Variants in SLC16A4 observed in about 807,000 individuals in gnomAD.
The protein encoded by SLC16A4 is probable monocarboxylate transporter 5.
SLC16A4 carries 39 observed loss-of-function variants against 47.9 expected under a neutral mutation model. The observed-to-expected ratio is 0.81, with a 90% CI of 0.63 to 1.06. The LOEUF (loss-of-function observed/expected upper bound fraction) is 1.06, where lower values mean the gene tolerates loss of function less well. Among genes scored for constraint, SLC16A4 ranks in the 50% least tolerant of loss-of-function variants. SLC16A4 has a pLI of 0.00. For synonymous variants in SLC16A4, 189 were observed against 199.9 expected, an observed-to-expected ratio of 0.95 and a Z score of 0.46; for missense variants, 524 against 573.8, an observed-to-expected ratio of 0.91 and a Z score of 0.89.
intron 8 of SLC16A4, among the ~76,000 whole-genome samples, chr1:110,364,519 T>TC (rs930512539): frequency 4.7e-5 from 6 of 127,622 alleles, no homozygotes; most frequent in Non-Finnish European, 8.9e-5. Flanking sequence ...TTTTTTTTTT[T>TC]TGAGACAGAG....
At chr1:110,368,108 G>A (rs145862280) in intron 8 of SLC16A4, among the ~76,000 whole-genome samples, 3,853 of 152,294 alleles carry the variant, frequency 0.025, 89 homozygotes, top group South Asian at 0.063. Flanking sequence ...GATTACAGGC[G>A]TGAGCCACTG....
At chr1:110,364,569 G>A (rs991746030) in intron 8 of SLC16A4, among the ~76,000 whole-genome samples, 15 of 141,816 alleles carry the variant, frequency 1.1e-4, no homozygotes, top group Non-Finnish European at 1.6e-4. Flanking sequence ...GTAGTGGCAC[G>A]ATCTCTGCTT....
chr1:110,363,918 T>C, intron 8 of SLC16A4, 25 bp from the exon 9 acceptor site: 1 of 1,586,644 alleles, frequency 6.3e-7, no homozygotes, highest in Non-Finnish European at 8.5e-7. Context: ...TGATTTCTGT[T>C]AGGGAAGGAA....
At position 110,381,787 on chromosome 1, in the gene SLC16A4, C is replaced by T. The variant is rs1337116057; in HGVS notation, c.229G>A (p.Val77Ile). The T allele has an allele frequency of 6.2e-7, 1 of 1,612,250 alleles. No homozygotes were observed. The highest frequency in any genetic ancestry group is 1.3e-5 in the African/African-American group (1 of 74,796). The change falls in exon 4 of 9, where the codon GTT becomes ATT. Residue 77 changes from valine (V) to isoleucine (I), a missense_variant. By Grantham distance (29) the Val-to-Ile change is conservative. Transcript: ENST00000369779. ...SSLRFCAGPL[V>I]AIICDILGEK... ...CCAAGTATGTCACAAATAATAGCAA[C>T]CAGGGGACCTTAAGAGAAGAAAGAA...
At chr1:110,368,789 G>A (rs940629342) in intron 8 of SLC16A4, among the ~76,000 whole-genome samples, 11 of 152,088 alleles carry the variant, frequency 7.2e-5, no homozygotes, top group South Asian at 6.2e-4. Flanking sequence ...TTTAATATAG[G>A]ATTCTGAACT....
At chr1:110,374,243 G>T (rs1352873996) in intron 8 of SLC16A4, among the ~76,000 whole-genome samples, 1 of 151,216 alleles carries the variant, frequency 6.6e-6, no homozygotes, top group Non-Finnish European at 1.5e-5. Flanking sequence ...GTTTCACCAT[G>T]GTGGCCAGGC....
At chr1:110,383,109 T>C (rs529925942) in intron 2 of SLC16A4, 143 bp from the exon 3 acceptor site, 2 of 587,752 alleles carry the variant, frequency 3.4e-6, no homozygotes, top group Non-Finnish European at 5.6e-6. Context: ...ATACATCTTA[T>C]ATTTTATGGG....
rs114912217 is a variant in SLC16A4, at chr1:110,376,925, A to G, written c.1242+25T>C. 2.3e-3 allele frequency: 3,652 copies of G among 1,581,616 alleles called. 68 individuals carry two copies. In the African/African-American group the frequency reaches 0.039, roughly 17 times the overall value. ...ACTTGCTTTTACTAAATGGTTTAAC[A>G]ATGTTAATGAGTGTGTCTACTCACC... On this transcript the variant is annotated intron_variant, in intron 7 of 8. Coordinates refer to ENST00000369779, the MANE Select transcript of SLC16A4 (RefSeq NM_004696.3).
chr1:110,382,447 A>G (rs2101054450), intron 3 of SLC16A4, among the ~76,000 whole-genome samples: 1 of 152,102 alleles, frequency 6.6e-6, no homozygotes, highest in East Asian at 1.9e-4. Context: ...CAACAGAGTG[A>G]GACTGTGTCT....
intron 7 of SLC16A4, among the ~76,000 whole-genome samples, chr1:110,376,448 A>G (rs1662007485): frequency 6.6e-6 from 1 of 152,222 alleles, no homozygotes; most frequent in Non-Finnish European, 1.5e-5. Flanking sequence ...TTTTGGTTCC[A>G]TCTGGGTCGA....
At position 110,389,282 on chromosome 1, in the gene SLC16A4, G is replaced by A. The variant is rs1662899877; in HGVS notation, c.42C>T (p.Thr14=). 6 of 1,613,888 alleles carry A rather than the reference G, an allele frequency of 3.7e-6. No homozygotes were observed. The African/African-American group carries it at 6.7e-5, about 18-fold the overall frequency. Residue 14 remains threonine (T), a synonymous_variant, in exon 2 of 9, where the codon ACC becomes ACT. Coordinates refer to ENST00000369779, the MANE Select transcript of SLC16A4 (RefSeq NM_004696.3). ...REGKVQPYTK[T]LDGGWGWMIV... is the part of the protein sequence containing the mutation. ...TCATCCATCCCCATCCTCCATCCAG[G>A]GTTTTAGTGTAAGGTTGGACCTTCC...
chr1:110,388,685 G>A (rs1420834383), intron 2 of SLC16A4, among the ~76,000 whole-genome samples: 1 of 152,178 alleles, frequency 6.6e-6, no homozygotes, highest in East Asian at 1.9e-4. Context: ...GAGATGATAG[G>A]AAGAGTAGAT....
At chr1:110,385,089 G>A (rs1444168721) in intron 2 of SLC16A4, among the ~76,000 whole-genome samples, 1 of 152,134 alleles carries the variant, frequency 6.6e-6, no homozygotes, top group African/African-American at 2.4e-5. Context: ...GCCTGTTACA[G>A]TTCTGTACTC....
At chr1:110,375,629 C>G (rs1661958004) in intron 7 of SLC16A4, 78 bp from the exon 8 acceptor site, 4 of 772,700 alleles carry the variant, frequency 5.2e-6, no homozygotes, top group South Asian at 1.6e-5. Context: ...GGGACAAATA[C>G]TATTTATATC....
At chr1:110,373,699 G>C (rs1424148131) in intron 8 of SLC16A4, among the ~76,000 whole-genome samples, 4 of 131,608 alleles carry the variant, frequency 3.0e-5, no homozygotes, top group Non-Finnish European at 4.7e-5. Context: ...TTTTTTTTGA[G>C]ATGGGGTCTC....
intron 5 of SLC16A4, among the ~76,000 whole-genome samples, chr1:110,380,638 G>A (rs370419211): frequency 7.1e-5 from 2 of 28,362 alleles, no homozygotes; most frequent in South Asian, 1.1e-3. Context: ...GGGCGGGGGC[G>A]GGGGGGGAAG....
At chr1:110,367,941 G>A (rs1267464381) in intron 8 of SLC16A4, among the ~76,000 whole-genome samples, 4 of 152,110 alleles carry the variant, frequency 2.6e-5, no homozygotes, top group Admixed American at 6.5e-5. Context: ...CCATTCTCCT[G>A]TCTCAGCCTC....
intron 8 of SLC16A4, among the ~76,000 whole-genome samples, chr1:110,374,007 T>G (rs1481223248): frequency 6.7e-6 from 1 of 150,022 alleles, no homozygotes; most frequent in African/African-American, 2.4e-5. Context: ...TATCCTTAGT[T>G]TATAGTCTCC....
In SLC16A4 at chr1:110,379,245, CT is replaced by C; in HGVS notation, c.637del (p.Ser213AlafsTer40). On this transcript the variant is annotated frameshift_variant, in exon 6 of 9. Transcript: ENST00000369779. LOFTEE classifies it high-confidence loss of function. ...ENNSGIKDKG[S>X]SLSAHGPEAH... ...CTCTGGACCATGTGCAGACAAACTG[CT>C]GCCTTTATCTTTAATACCAGAATTG... The C allele has an allele frequency of 6.2e-7, 1 of 1,614,172 alleles. No individual in the cohort carries two copies. The highest frequency in any genetic ancestry group is 8.5e-7 in the Non-Finnish European group (1 of 1,180,034).
Sources: gnomAD v4.1 joint callset for allele counts (sites outside exome capture counted in the v4.1 genomes callset) on GRCh38, gnomAD v4.1.1 for gene constraint, MANE v1.5 for transcripts, NCBI Gene and HGNC (gene_info 2026-07-23, HGNC 2026-07-21) for gene names.